RBP7: variants seen among roughly 807,000 people sequenced by gnomAD.
The protein encoded by RBP7 is retinol binding protein 7.
In RBP7, 13 loss-of-function variants were observed where a neutral mutation model predicts 16.7. That is an observed-to-expected ratio of 0.78 (90% CI 0.51 to 1.24). RBP7 has a LOEUF of 1.24. RBP7 is among the 50% of genes most tolerant of loss of function. The probability of loss-of-function intolerance (pLI) is 0.00; values close to 1 mark genes in which losing one functional copy is unlikely to be tolerated. For synonymous variants in RBP7, 54 were observed against 56.2 expected, an observed-to-expected ratio of 0.96 and a Z score of 0.17; for missense variants, 145 against 159.5, an observed-to-expected ratio of 0.91 and a Z score of 0.49.
At chr1:10,013,226 C>T (rs1190008310) in intron 3 of RBP7, among the ~76,000 whole-genome samples, 4 of 151,846 alleles carry the variant, frequency 2.6e-5, no homozygotes, top group African/African-American at 9.7e-5. Flanking sequence ...GCGCCCGCTA[C>T]CATGCCCAGC....
At chr1:10,013,385 T>TA (rs1248788364) in intron 3 of RBP7, among the ~76,000 whole-genome samples, 1 of 151,962 alleles carries the variant, frequency 6.6e-6, no homozygotes, top group Non-Finnish European at 1.5e-5. Flanking sequence ...CATGATATAT[T>TA]AAAAAATATT....
chr1:10,005,141 T>G (rs1163998446), intron 1 of RBP7, among the ~76,000 whole-genome samples: 5 of 152,116 alleles, frequency 3.3e-5, no homozygotes, highest in African/African-American at 1.2e-4. Flanking sequence ...CACACAAGCT[T>G]TTTTATTTGC....
Position 9,997,418 on chromosome 1 carries a change from C to G in RBP7, c.73+87C>G. ...GGCGGCCGGGCCGGGCCTGTAGGTA[C>G]GTCCTCTGTCCGTGCCTCCGCCCTG... On this transcript the variant is annotated intron_variant, in intron 1 of 3. Transcript: ENST00000294435. The surrounding 1 kb of genome is among the most constrained non-coding windows in gnomAD (Gnocchi z 5.9). The G allele has an allele frequency of 7.6e-7, 1 of 1,308,184 alleles. No homozygotes were observed. Among genetic ancestry groups the G allele is most frequent in the Non-Finnish European group, 1.1e-6 (1 of 917,964 alleles). 81.0% of individuals were successfully genotyped at this position (1,308,184 alleles called of 1,614,324 possible).
intron 3 of RBP7, among the ~76,000 whole-genome samples, chr1:10,014,595 C>T (rs560778489): frequency 1.3e-5 from 2 of 151,962 alleles, no homozygotes; most frequent in Non-Finnish European, 2.9e-5. Context: ...CCATGTTGGC[C>T]AGGCTGATCT....
intron 3 of RBP7, among the ~76,000 whole-genome samples, chr1:10,011,292 A>AT (rs1491531238): frequency 1.3e-5 from 2 of 152,166 alleles, no homozygotes; most frequent in Non-Finnish European, 2.9e-5. Context: ...GGAAAAAAAA[A>AT]GAGAGAAGAA....
intron 1 of RBP7, among the ~76,000 whole-genome samples, chr1:10,005,604 C>T (rs148212294): frequency 0.021 from 3,149 of 151,194 alleles, 108 homozygotes; most frequent in African/African-American, 0.071. Context: ...TGCTCTGTTG[C>T]CCAGGCTGGA....
At position 10,012,323 on chromosome 1, in the gene RBP7, G is replaced by C. The variant is rs570528167; in HGVS notation, c.355-3459G>C. The stretch of plus-strand genomic sequence containing the variant: ...TTGAACCCGGGAGGCAGAGGTTGCA[G>C]TGAGCCAAGATCATGCCACTGCACT... On this transcript the variant is annotated intron_variant, in intron 3 of 3. Transcript: ENST00000294435. 1.1e-3 allele frequency among the ~76,000 whole-genome samples: 174 copies of C among 151,784 alleles called. 1 individual carries two copies. The highest frequency in any genetic ancestry group is 3.8e-3 in the African/African-American group (156 of 41,420).
chr1:10,008,210 T>G lies in RBP7; in HGVS notation c.290T>G (p.Ile97Ser), dbSNP rs1642502638. Residue 97 changes from isoleucine (I) to serine (S), a missense_variant, in exon 3 of 4, where the codon ATC becomes AGC. By Grantham distance (142) the Ile-to-Ser change is moderately radical. Coordinates refer to ENST00000294435, the MANE Select transcript of RBP7 (RefSeq NM_052960.3). ...TGGGACAATGACAGGCTCACCTGTA[T>G]CCAGAAGGGAGAAAAGAAGAACAGA... ...VIWDNDRLTC[I>S]QKGEKKNRGW... The G allele has an allele frequency of 6.2e-7, 1 of 1,613,182 alleles. No individual in the cohort carries two copies. Among genetic ancestry groups the G allele is most frequent in the South Asian group, 1.1e-5 (1 of 91,072 alleles).
Position 9,997,477 on chromosome 1 carries a change from C to T in RBP7, c.73+146C>T. On this transcript the variant is annotated intron_variant, in intron 1 of 3. Transcript: ENST00000294435. The surrounding 1 kb of genome is among the most constrained non-coding windows in gnomAD (Gnocchi z 5.9). Reference sequence around the variant, plus strand: ...ACCGTCGCCCAGTCGCCCCCGAGTCCGCTGGTCCTTGGCGCCTCCGTCCAT... The same window carrying T: ...ACCGTCGCCCAGTCGCCCCCGAGTCTGCTGGTCCTTGGCGCCTCCGTCCAT... 1.4e-6 allele frequency: 1 copy of T among 724,216 alleles called. No homozygotes were observed. The highest frequency in any genetic ancestry group is 2.3e-6 in the Non-Finnish European group (1 of 440,346). The allele number at this position is 724,216 out of a possible 1,614,324, so 44.9% of individuals were successfully genotyped here. A position where few individuals can be genotyped will look rare whatever the true frequency, so the allele number is the denominator to read the frequency against.
intron 1 of RBP7, among the ~76,000 whole-genome samples, chr1:9,999,310 G>T (rs886523001): frequency 5.7e-4 from 87 of 152,074 alleles, no homozygotes; most frequent in African/African-American, 2.0e-3. Context: ...ACTTTGGGAG[G>T]CTGAGGCGGG....
intron 1 of RBP7, among the ~76,000 whole-genome samples, chr1:10,004,797 TG>T (rs1642393267): frequency 6.6e-6 from 1 of 152,152 alleles, no homozygotes; most frequent in South Asian, 2.1e-4. Context: ...GAAATGAGCC[TG>T]AGTAACATGG....
intron 3 of RBP7, among the ~76,000 whole-genome samples, chr1:10,013,485 C>T (rs1466437108): frequency 6.6e-6 from 1 of 152,020 alleles, no homozygotes; most frequent in Non-Finnish European, 1.5e-5. Flanking sequence ...AGTTTAATAC[C>T]AGCCTGGGCA....
intron 3 of RBP7, among the ~76,000 whole-genome samples, chr1:10,011,073 C>G (rs1008203069): frequency 3.3e-5 from 5 of 152,182 alleles, no homozygotes; most frequent in South Asian, 2.1e-4. Flanking sequence ...CTATACAAAG[C>G]TGTTTTATGA....
At chr1:10,011,830 G>A (rs1169094431) in intron 3 of RBP7, among the ~76,000 whole-genome samples, 3 of 152,186 alleles carry the variant, frequency 2.0e-5, no homozygotes, top group Non-Finnish European at 2.9e-5. Context: ...GCTGAGGCAG[G>A]CGGATCACCT....
chr1:10,011,113 G>T (rs1269344189), intron 3 of RBP7, among the ~76,000 whole-genome samples: 1 of 152,106 alleles, frequency 6.6e-6, no homozygotes, highest in Non-Finnish European at 1.5e-5. Flanking sequence ...TTACCACTCA[G>T]TTTTTTCCTT....
At chr1:10,009,589 T>C (rs1642559246) in intron 3 of RBP7, among the ~76,000 whole-genome samples, 1 of 150,710 alleles carries the variant, frequency 6.6e-6, no homozygotes, top group Non-Finnish European at 1.5e-5. Flanking sequence ...TGGAGTGCAG[T>C]GGTGTGATCT....
chr1:10,006,864 A>C (rs1224966432), intron 1 of RBP7: 1 of 359,134 alleles, frequency 2.8e-6, no homozygotes, highest in African/African-American at 2.2e-5. Flanking sequence ...CTTAATTCAA[A>C]GTGTAAATAC....
chr1:10,012,052 A>G (rs187085547), intron 3 of RBP7, among the ~76,000 whole-genome samples: 1 of 149,310 alleles, frequency 6.7e-6, no homozygotes, highest in Admixed American at 6.7e-5. Flanking sequence ...AAAAATATTT[A>G]AAAAAAAAAT....
At chr1:10,015,631 T>A in intron 3 of RBP7, 151 bp from the exon 4 acceptor site, 1 of 631,892 alleles carries the variant, frequency 1.6e-6, no homozygotes, top group Non-Finnish European at 2.8e-6. Flanking sequence ...ACCACTGTAC[T>A]TAGCCAGGAC....
Sources: allele counts gnomAD v4.1 joint callset (sites outside exome capture counted in the v4.1 genomes callset), GRCh38; gene constraint gnomAD v4.1.1; non-coding constraint Gnocchi (gnomAD v3.1); transcripts MANE v1.5; gene names NCBI Gene and HGNC (gene_info 2026-07-23, HGNC 2026-07-21).